Variants in SORT1 observed in about 807,000 individuals in gnomAD.
SORT1 encodes sortilin.
SORT1 carries 39 observed loss-of-function variants against 101.7 expected under a neutral mutation model. The ratio of observed to expected loss-of-function variants is 0.38; its 90% CI spans 0.30 to 0.50. The LOEUF is 0.50. Ranked by LOEUF, SORT1 falls within the 20% of genes least tolerant of loss-of-function variation. The probability of loss-of-function intolerance (pLI) is 0.90; values close to 1 mark genes in which losing one functional copy is unlikely to be tolerated. For missense variants in SORT1, 878 were observed against 1,040.4 expected (o/e 0.84, Z 2.15); for synonymous variants, 396 against 393.7 (o/e 1.01, Z -0.07).
intron 1 of SORT1, chr1:109,393,200 C>T: frequency 1.0e-6 from 1 of 985,462 alleles, no homozygotes. Flanking sequence ...ACACCCCATA[C>T]AACACGGCCT....
At chr1:109,333,691 A>T (rs1648608559) in intron 11 of SORT1, among the ~76,000 whole-genome samples, 1 of 152,234 alleles carries the variant, frequency 6.6e-6, no homozygotes, top group Non-Finnish European at 1.5e-5. Flanking sequence ...AATAAAAACC[A>T]CAATGAGATA....
intron 1 of SORT1, chr1:109,393,077 G>A (rs895986110): frequency 3.1e-5 from 31 of 985,352 alleles, no homozygotes; most frequent in Non-Finnish European, 3.7e-5. Flanking sequence ...ACAACAGGCC[G>A]AGGTCTTCAG....
intron 11 of SORT1, among the ~76,000 whole-genome samples, chr1:109,331,269 C>T (rs192904752): frequency 6.6e-6 from 1 of 152,218 alleles, no homozygotes; most frequent in African/African-American, 2.4e-5. Flanking sequence ...GATTATATAC[C>T]ATGATCAAGT....
chr1:109,389,883 G>C (rs906514072), intron 1 of SORT1: 3 of 152,254 alleles, frequency 2.0e-5, no homozygotes, highest in African/African-American at 7.2e-5. Flanking sequence ...GGTTCCTCCA[G>C]CTCTAGCCTC....
At chr1:109,316,287 G>A (rs931758452) in intron 17 of SORT1, among the ~76,000 whole-genome samples, 12 of 151,188 alleles carry the variant, frequency 7.9e-5, no homozygotes, top group Non-Finnish European at 1.8e-4. Context: ...GCACGATCTC[G>A]GCTCACTGCA....
chr1:109,338,994 C>T (rs1649031161), intron 10 of SORT1, among the ~76,000 whole-genome samples: 1 of 152,086 alleles, frequency 6.6e-6, no homozygotes, highest in African/African-American at 2.4e-5. Context: ...TCTCCTGCCT[C>T]AGTCTCCTGA....
chr1:109,325,300 C>T (rs868435155), intron 13 of SORT1, among the ~76,000 whole-genome samples: 4 of 144,532 alleles, frequency 2.8e-5, no homozygotes, highest in Non-Finnish European at 6.0e-5. Context: ...TGCAGTGGCG[C>T]GATCTCGACT....
chr1:109,378,698 TGATATATATATATATATATATATATATA>T (rs1184816658), intron 1 of SORT1, among the ~76,000 whole-genome samples: 24 of 62,166 alleles, frequency 3.9e-4, no homozygotes, highest in African/African-American at 1.5e-3. Context: ...GTAGAGTGAA[TGATATATATATATATATATATATATATA>T]TATATATATA....
chr1:109,329,983 G>C (rs969244804), intron 11 of SORT1, among the ~76,000 whole-genome samples: 2 of 152,270 alleles, frequency 1.3e-5, no homozygotes, highest in Middle Eastern at 3.4e-3. Context: ...ACAAATGTAA[G>C]ACTGAAATCA....
chr1:109,332,214 A>G (rs1648506617), intron 11 of SORT1, among the ~76,000 whole-genome samples: 1 of 152,194 alleles, frequency 6.6e-6, no homozygotes, highest in Non-Finnish European at 1.5e-5. Flanking sequence ...ACACAGAACA[A>G]TCCAAACACG....
chr1:109,310,438 C>G lies in SORT1; in HGVS notation c.*3605G>C, dbSNP rs556989279. The G allele has an allele frequency of 6.4e-6, 1 of 156,354 alleles. No individual in the cohort carries two copies. Among genetic ancestry groups the G allele is most frequent in the South Asian group, 2.1e-4 (1 of 4,830 alleles). The allele number at this position is 156,354 out of a possible 1,614,324, so 9.7% of individuals were successfully genotyped here. A position where few individuals can be genotyped will look rare whatever the true frequency, so the allele number is the denominator to read the frequency against. ...CTGGACAAACCCATGGCAGACAGAA[C>G]AGAAAGTCTGGCACCTGCTGACTCC... On this transcript the variant is annotated 3_prime_UTR_variant, in exon 20 of 20. Transcript: ENST00000256637.
intron 10 of SORT1, among the ~76,000 whole-genome samples, chr1:109,338,186 C>T (rs1436576585): frequency 1.3e-5 from 2 of 152,108 alleles, no homozygotes; most frequent in East Asian, 3.8e-4. Context: ...TACATGAGTA[C>T]AGACATATCA....
At chr1:109,347,844 G>A (rs562627772) in intron 6 of SORT1, among the ~76,000 whole-genome samples, 36 of 152,296 alleles carry the variant, frequency 2.4e-4, no homozygotes, top group African/African-American at 7.0e-4. Context: ...GGGTGGCGGA[G>A]GTGTTATTGG....
chr1:109,316,953 C>T lies in SORT1; in HGVS notation c.2147G>A (p.Arg716Gln), dbSNP rs374583483. ...CTGGCATTTGTCCCCTGGAATTTTC[C>T]GGTACCTACCAGGCAAAGAAGATTT... ...REEHLTTNGY[R>Q]KIPGDKCQGG... Residue 716 changes from arginine (R) to glutamine (Q), a missense_variant, in exon 17 of 20, where the codon CGG becomes CAG. By Grantham distance (43) the Arg-to-Gln change is conservative. This residue lies in a region of SORT1 where 684 missense variants were observed against 894.5 expected (regional missense o/e 0.76). Transcript: ENST00000256637. 99 of 1,596,114 alleles carry T rather than the reference C, an allele frequency of 6.2e-5. No individual in the cohort carries two copies. The highest frequency in any genetic ancestry group is 7.6e-5 in the Non-Finnish European group (89 of 1,167,078).
intron 8 of SORT1, among the ~76,000 whole-genome samples, chr1:109,343,660 T>A (rs1475588359): frequency 1.3e-5 from 2 of 152,146 alleles, no homozygotes; most frequent in East Asian, 3.9e-4. Context: ...CTTTTTTTAT[T>A]TTTTTTGAGA....
At chr1:109,354,620 T>C (rs551638634) in intron 4 of SORT1, 89 bp from the exon 5 acceptor site, 35 of 957,476 alleles carry the variant, frequency 3.7e-5, no homozygotes, top group Non-Finnish European at 5.0e-5. Context: ...AGACATTAGT[T>C]AAGAAATTTT....
At chr1:109,327,779 T>C (rs1029369115) in intron 11 of SORT1, among the ~76,000 whole-genome samples, 178 bp from the exon 12 acceptor site, 1 of 152,228 alleles carries the variant, frequency 6.6e-6, no homozygotes, top group Non-Finnish European at 1.5e-5. Context: ...TATATTCACA[T>C]TGTTGTACAA....
intron 15 of SORT1, among the ~76,000 whole-genome samples, chr1:109,322,257 C>T (rs764352525): frequency 8.6e-5 from 13 of 151,930 alleles, no homozygotes; most frequent in Non-Finnish European, 1.9e-4. Flanking sequence ...TTTCTAAAGT[C>T]CAATTTCCTC....
In SORT1 at chr1:109,312,692, G is replaced by A. The variant is rs541997969; in HGVS notation, c.*1351C>T. 1.3e-5 allele frequency: 2 copies of A among 152,642 alleles called. No homozygotes were observed. The highest frequency in any genetic ancestry group is 6.5e-5 in the Admixed American group (1 of 15,280). The allele number at this position is 152,642 out of a possible 1,614,324, so 9.5% of individuals were successfully genotyped here. ...TTTCTATATAGCAAATATTCAAGCTGTATTAAAACTAATTATTGCAGCTTT... is the reference window on the plus strand; with the variant it reads ...TTTCTATATAGCAAATATTCAAGCTATATTAAAACTAATTATTGCAGCTTT... On this transcript the variant is annotated 3_prime_UTR_variant, in exon 20 of 20. Transcript: ENST00000256637.
Sources: gnomAD v4.1 joint callset for allele counts (sites outside exome capture counted in the v4.1 genomes callset) on GRCh38, gnomAD v4.1.1 for gene constraint, gnomAD v4.1.1 regional missense constraint, MANE v1.5 for transcripts, NCBI Gene and HGNC (gene_info 2026-07-23, HGNC 2026-07-21) for gene names.